Variants in CENPN observed in about 807,000 individuals in gnomAD.
CENPN encodes the protein interphase centromere complex protein 32.
A neutral mutation model predicts 48.6 loss-of-function variants in CENPN; 36 were observed. The observed-to-expected ratio is 0.74, with a 90% CI of 0.57 to 0.98. The LOEUF (loss-of-function observed/expected upper bound fraction) is 0.98. CENPN is among the 50% of genes least tolerant of loss of function. The probability of loss-of-function intolerance (pLI) is 0.00; values close to 1 mark genes in which losing one functional copy is unlikely to be tolerated. For synonymous variants in CENPN, 166 were observed against 135.2 expected, an observed-to-expected ratio of 1.23 and a Z score of -1.58; for missense variants, 439 against 399.2, an observed-to-expected ratio of 1.10 and a Z score of -0.85.
rs750900132 is a variant in CENPN at position 81,026,606 on chromosome 16, C to A, written c.778C>A (p.Pro260Thr). The A allele has an allele frequency of 6.3e-7, 1 of 1,598,214 alleles. No homozygotes were observed. The highest frequency in any genetic ancestry group is 2.2e-5 in the East Asian group (1 of 44,542). Residue 260 changes from proline to threonine, a missense_variant, in exon 9 of 11, where the codon CCT becomes ACT. Transcript: ENST00000305850. ...RITQETFGDY[P>T]QPQLEFAQYK... ...AACTCAAGAAACATTTGGAGATTAT[C>A]CTCAACCACAACTAGAATTTGCACA... is the stretch of plus-strand genomic sequence containing the variant.
Position 81,016,265 on chromosome 16 carries a change from C to A in CENPN, c.218-1061C>A, listed in dbSNP as rs558348666. Among the ~76,000 whole-genome samples the A allele has an allele frequency of 1.7e-4, 26 of 152,308 alleles. No homozygotes were observed. The East Asian group carries it at 4.1e-3, about 24-fold the overall frequency. On this transcript the variant is annotated intron_variant, in intron 3 of 10. Transcript: ENST00000305850. The stretch of plus-strand genomic sequence containing the variant: ...GTGTGGGACACTTGGGAGGCTGAGG[C>A]AGGAGGATTGCTTGAGCCCGCGAGT...
In CENPN at chr16:81,028,546, CTTTTTT is replaced by C. The variant is rs10579473; in HGVS notation, c.938-14_938-9del. 2.5e-6 allele frequency: 4 copies of C among 1,579,472 alleles called. No homozygotes were observed. Among genetic ancestry groups the C allele is most frequent in the Non-Finnish European group, 3.4e-6 (4 of 1,163,750 alleles). On this transcript the variant is annotated splice_polypyrimidine_tract_variant and intron_variant, in intron 10 of 10. Transcript: ENST00000305850. ...TGATGACTTTTAATTTTCTTTTTCC[CTTTTTT>C]TTTTTTTTAATTTCAGGTATTGCAG...
intron 5 of CENPN, among the ~76,000 whole-genome samples, chr16:81,018,468 C>T (rs1970025641): frequency 6.6e-6 from 1 of 152,148 alleles, no homozygotes. Flanking sequence ...GCCACCGCAC[C>T]CAGCCTGAAT....
downstream of CENPN, chr16:81,032,806 C>G (rs1366516597): frequency 1.2e-5 from 14 of 1,173,102 alleles, no homozygotes; most frequent in Non-Finnish European, 1.7e-5. Flanking sequence ...AAAATGGACC[C>G]TTTGTTACTC....
intron 10 of CENPN, 64 bp downstream of exon 10, chr16:81,028,361 A>G: frequency 6.3e-7 from 1 of 1,580,840 alleles, no homozygotes; most frequent in Non-Finnish European, 8.7e-7. Flanking sequence ...CCATCCTTAT[A>G]ATCTGCTAAT....
intron 7 of CENPN, 150 bp from the exon 8 acceptor site, chr16:81,024,565 T>TCAACTCAGCCAACTCAGC (rs71272432): frequency 3.2e-5 from 16 of 505,510 alleles, no homozygotes; most frequent in Non-Finnish European, 5.6e-5. Context: ...AGTGTCCTGC[T>TCAACTCAGCCAACTCAGC]CAACTCAGCC....
Position 81,016,424 on chromosome 16 carries a change from C to A in CENPN, c.218-902C>A, listed in dbSNP as rs1969934725. 2.6e-5 allele frequency among the ~76,000 whole-genome samples: 4 copies of A among 152,330 alleles called. No individual in the cohort carries two copies. In the South Asian group the frequency reaches 6.2e-4, roughly 24 times the overall value. On this transcript the variant is annotated intron_variant, in intron 3 of 10. Transcript: ENST00000305850. ...CAGTGAACAGGTCCCTCATTTCCAT[C>A]AGAGTCTAACTGGAAAGACAGGCAG...
intron 3 of CENPN, 163 bp from the exon 4 acceptor site, chr16:81,017,163 G>A: frequency 2.9e-6 from 1 of 348,330 alleles, no homozygotes; most frequent in Non-Finnish European, 4.7e-6. Flanking sequence ...TTTATATGAA[G>A]TACTTTAATC....
In CENPN at chr16:81,029,660, C is replaced by G. The variant is rs1970677871; in HGVS notation, c.*1009C>G. ...GCACAATCTTGGCTCCCTGCAACCTCTGCCTCCTGGGTTGAAGAGATTCTC... is the reference window on the plus strand; with the variant it reads ...GCACAATCTTGGCTCCCTGCAACCTGTGCCTCCTGGGTTGAAGAGATTCTC... On this transcript the variant is annotated 3_prime_UTR_variant, in exon 11 of 11. Transcript: ENST00000305850. Among the ~76,000 whole-genome samples, 1 of 152,184 alleles carries G rather than the reference C, an allele frequency of 6.6e-6. No individual in the cohort carries two copies. The highest frequency in any genetic ancestry group is 2.4e-5 in the African/African-American group (1 of 41,436).
chr16:81,014,216 A>G (rs1464626214), intron 3 of CENPN, 35 bp downstream of exon 3: 7 of 1,586,872 alleles, frequency 4.4e-6, no homozygotes, highest in Non-Finnish European at 6.1e-6. Context: ...TACTTAACCA[A>G]TCAGTTTATT....
intron 5 of CENPN, 150 bp from the exon 6 acceptor site, chr16:81,019,950 T>C (rs1970105461): frequency 1.9e-6 from 1 of 522,094 alleles, no homozygotes; most frequent in East Asian, 3.3e-5. Context: ...ATTCTCAAAA[T>C]ACTCATGAAA....
intron 6 of CENPN, 102 bp from the exon 7 acceptor site, chr16:81,022,495 G>A (rs1198827342): frequency 2.1e-6 from 2 of 970,452 alleles, no homozygotes; most frequent in South Asian, 1.5e-5. Context: ...ACACTTACGG[G>A]GAAACTATTC....
At position 81,028,834 on chromosome 16, in the gene CENPN, C is replaced by T. The variant is rs1970636634; in HGVS notation, c.*183C>T. 2 of 1,372,380 alleles carry T rather than the reference C, an allele frequency of 1.5e-6. No homozygotes were observed. Among genetic ancestry groups the T allele is most frequent in the Non-Finnish European group, 1.9e-6 (2 of 1,068,428 alleles). 85.0% of individuals were successfully genotyped at this position (1,372,380 alleles called of 1,614,324 possible). A position where few individuals can be genotyped will look rare whatever the true frequency, so the allele number is the denominator to read the frequency against. ...CATTCCTCCACGATATGCCTCCTCTCTCTGATATCCTGCTAACTGTAGCCG... is the reference window on the plus strand; with the variant it reads ...CATTCCTCCACGATATGCCTCCTCTTTCTGATATCCTGCTAACTGTAGCCG... On this transcript the variant is annotated 3_prime_UTR_variant, in exon 11 of 11. Coordinates refer to ENST00000305850, the MANE Select transcript of CENPN (RefSeq NM_001100624.3).
At chr16:81,025,812 C>T (rs1353032725) in intron 8 of CENPN, among the ~76,000 whole-genome samples, 5 of 150,502 alleles carry the variant, frequency 3.3e-5, no homozygotes, top group Non-Finnish European at 7.4e-5. Flanking sequence ...AAGCGATTCT[C>T]TTTCCTCAGC....
rs756224222 is a variant in CENPN, at chr16:81,022,757, G to A, written c.633+59G>A. The A allele has an allele frequency of 2.7e-5, 44 of 1,613,924 alleles. No individual in the cohort carries two copies. The Admixed American group carries it at 6.5e-4, about 24-fold the overall frequency. On this transcript the variant is annotated intron_variant, in intron 7 of 10. Coordinates refer to ENST00000305850, the MANE Select transcript of CENPN (RefSeq NM_001100624.3). ...TCTTTATTTTCTCTTTGACACAGGA[G>A]TTAGAAGCTACTGGGAAAATCTACC...
chr16:81,027,156 T>C (rs1549288), intron 9 of CENPN, among the ~76,000 whole-genome samples: 94,166 of 151,906 alleles, frequency 0.62, 30,465 homozygotes, highest in Middle Eastern at 0.79. Context: ...CCGTGCTCCT[T>C]ACTTTTGTAT....
At chr16:81,017,871 G>A (rs373357142) in intron 5 of CENPN, 37 bp downstream of exon 5, 4 of 1,236,636 alleles carry the variant, frequency 3.2e-6, no homozygotes, top group Non-Finnish European at 4.6e-6. Context: ...AAAATTCAAT[G>A]TCATGACGTC....
rs761078576 is a variant in CENPN, at chr16:81,025,689, C to CTTTTTTTTTTT, written c.698-836_698-835insTTTTTTTTTTT. Among the ~76,000 whole-genome samples the CTTTTTTTTTTT allele has an allele frequency of 2.7e-4, 36 of 135,226 alleles. 4 individuals are homozygous for CTTTTTTTTTTT. The highest frequency in any genetic ancestry group is 1.0e-3 in the African/African-American group (35 of 34,026). 88.7% of individuals were successfully genotyped at this position (135,226 alleles called of 152,430 possible). On this transcript the variant is annotated intron_variant, in intron 8 of 10. Transcript: ENST00000305850. The stretch of plus-strand genomic sequence containing the variant: ...TGGGCAACATAGTGAGACCCTGTCT[C>CTTTTTTTTTTT]TCTTTTTTTTTTTTTTTTTTTTTTT...
intron 6 of CENPN, 26 bp from the exon 7 acceptor site, chr16:81,022,571 A>G: frequency 6.3e-7 from 1 of 1,585,330 alleles, no homozygotes; most frequent in Non-Finnish European, 8.7e-7. Context: ...AATCCTAGTA[A>G]TAGTCTTGCA....
Sources: gnomAD v4.1 joint callset for allele counts (sites outside exome capture counted in the v4.1 genomes callset) on GRCh38, gnomAD v4.1.1 for gene constraint, MANE v1.5 for transcripts, NCBI Gene and HGNC (gene_info 2026-07-23, HGNC 2026-07-21) for gene names.